Variants in KCNQ3 observed in about 807,000 individuals in gnomAD.
The protein encoded by KCNQ3 is potassium voltage-gated channel subfamily Q member 3.
A neutral mutation model predicts 92.5 loss-of-function variants in KCNQ3; 30 were observed. The observed-to-expected ratio is 0.32, with a 90% CI of 0.24 to 0.44. KCNQ3 has a LOEUF of 0.44. Ranked by LOEUF, KCNQ3 falls within the 20% of genes least tolerant of loss-of-function variation. The probability of loss-of-function intolerance (pLI) is 1.00; values close to 1 mark genes in which losing one functional copy is unlikely to be tolerated. For missense variants in KCNQ3, 913 were observed against 1,140.3 expected, an observed-to-expected ratio of 0.80 and a Z score of 2.87; for synonymous variants, 450 against 468.8, an observed-to-expected ratio of 0.96 and a Z score of 0.52.
chr8:132,295,434 G>A (rs893631502), intron 1 of KCNQ3, among the ~76,000 whole-genome samples: 8 of 152,184 alleles, frequency 5.3e-5, no homozygotes, highest in African/African-American at 1.9e-4. Flanking sequence ...CACTGTTGGT[G>A]GGAAAGTTAA....
chr8:132,344,522 T>C (rs565096913), intron 1 of KCNQ3, among the ~76,000 whole-genome samples: 23 of 152,308 alleles, frequency 1.5e-4, no homozygotes, highest in African/African-American at 4.6e-4. Context: ...GAAAAACCTA[T>C]GAAGTTGTGT....
chr8:132,279,545 T>C (rs1209890772), intron 1 of KCNQ3, among the ~76,000 whole-genome samples: 4 of 152,210 alleles, frequency 2.6e-5, no homozygotes, highest in African/African-American at 9.6e-5. Flanking sequence ...TGGACTCTAC[T>C]TGCAGGTTGA....
chr8:132,372,773 C>CAA (rs60597689), intron 1 of KCNQ3, among the ~76,000 whole-genome samples: 1 of 104,080 alleles, frequency 9.6e-6, no homozygotes, highest in Non-Finnish European at 1.9e-5. Context: ...AAAAAAAAAA[C>CAA]AAAAAAAAAA....
rs1821724747 is a variant in KCNQ3, at chr8:132,447,917, A to C, written c.386+32230T>G. Among the ~76,000 whole-genome samples the C allele has an allele frequency of 2.0e-5, 3 of 152,196 alleles. No individual in the cohort carries two copies. In the South Asian group the frequency reaches 6.2e-4, roughly 32 times the overall value. On this transcript the variant is annotated intron_variant, in intron 1 of 14. Coordinates refer to ENST00000388996, the MANE Select transcript of KCNQ3 (RefSeq NM_004519.4). ...TGGGCATCACCCCCAGCGACTTATA[A>C]ATACCATCTCATATTTGTCATCCCA...
intron 1 of KCNQ3, among the ~76,000 whole-genome samples, chr8:132,384,220 TC>T (rs994185952): frequency 9.3e-4 from 141 of 152,290 alleles, no homozygotes; most frequent in African/African-American, 3.3e-3. Flanking sequence ...TGTTCCCTTG[TC>T]CCGGTGAGCT....
chr8:132,127,672 A>G lies in KCNQ3; in HGVS notation c.*1590T>C, dbSNP rs1168523234. On this transcript the variant is annotated 3_prime_UTR_variant, in exon 15 of 15. Transcript: ENST00000388996. ...TGGCAACTATCCACAACCAGTGCCT[A>G]GGTGTGTGAGAAGAGTGATACAATA... 1 of 152,210 alleles carries G rather than the reference A, an allele frequency of 6.6e-6. No homozygotes were observed. Among genetic ancestry groups the G allele is most frequent in the Non-Finnish European group, 1.5e-5 (1 of 68,040 alleles). 9.4% of individuals were successfully genotyped at this position (152,210 alleles called of 1,614,324 possible).
intron 3 of KCNQ3, 49 bp downstream of exon 3, chr8:132,184,192 C>T (rs1563793273): frequency 6.2e-7 from 1 of 1,612,806 alleles, no homozygotes; most frequent in Non-Finnish European, 8.5e-7. Flanking sequence ...AAACAATGCC[C>T]CAAAAGAAGG....
chr8:132,261,553 C>A (rs938109804), intron 1 of KCNQ3, among the ~76,000 whole-genome samples: 2 of 152,188 alleles, frequency 1.3e-5, no homozygotes, highest in Non-Finnish European at 2.9e-5. Context: ...AGTCTTCCCT[C>A]GGCTGGCTGC....
At chr8:132,462,301 T>C (rs1421641096) in intron 1 of KCNQ3, among the ~76,000 whole-genome samples, 2 of 152,136 alleles carry the variant, frequency 1.3e-5, no homozygotes, top group African/African-American at 2.4e-5. Flanking sequence ...TGGATTCTCA[T>C]GCCTCAGCCA....
chr8:132,205,724 G>C (rs1430882514), intron 1 of KCNQ3, among the ~76,000 whole-genome samples: 2 of 152,166 alleles, frequency 1.3e-5, no homozygotes, highest in African/African-American at 4.8e-5. Context: ...AGTAGAAACT[G>C]GTGAGAAAGG....
chr8:132,188,304 T>C (rs1194638244), intron 1 of KCNQ3, among the ~76,000 whole-genome samples: 1 of 152,198 alleles, frequency 6.6e-6, no homozygotes, highest in Non-Finnish European at 1.5e-5. Flanking sequence ...CATACAAACA[T>C]GCTCATCATT....
chr8:132,420,699 C>T (rs1820943106), intron 1 of KCNQ3, among the ~76,000 whole-genome samples: 1 of 152,114 alleles, frequency 6.6e-6, no homozygotes, highest in Non-Finnish European at 1.5e-5. Context: ...CTAATTTGTA[C>T]CAAACCCCAG....
chr8:132,336,891 G>A (rs960271455), intron 1 of KCNQ3, among the ~76,000 whole-genome samples: 4 of 152,166 alleles, frequency 2.6e-5, no homozygotes, highest in Non-Finnish European at 5.9e-5. Flanking sequence ...CTGCATAAGG[G>A]TACCTAGCCA....
chr8:132,440,382 C>T (rs1428421918), intron 1 of KCNQ3, among the ~76,000 whole-genome samples: 1 of 152,170 alleles, frequency 6.6e-6, no homozygotes, highest in Admixed American at 6.5e-5. Flanking sequence ...CAGTATCAGG[C>T]GTCCCCTCAT....
intron 1 of KCNQ3, among the ~76,000 whole-genome samples, chr8:132,353,293 G>T (rs1426615060): frequency 6.6e-6 from 1 of 152,054 alleles, no homozygotes; most frequent in Non-Finnish European, 1.5e-5. Context: ...GGAGGCAGAG[G>T]GTGGAAAGAA....
intron 4 of KCNQ3, among the ~76,000 whole-genome samples, chr8:132,178,375 G>A (rs1370506150): frequency 1.3e-5 from 2 of 152,314 alleles, no homozygotes; most frequent in Non-Finnish European, 2.9e-5. Flanking sequence ...TAAGCTGAAA[G>A]ATTCCCAGGT....
At position 132,375,456 on chromosome 8, in the gene KCNQ3, C is replaced by T. The variant is rs895839400; in HGVS notation, c.386+104691G>A. Among the ~76,000 whole-genome samples, 10 of 152,298 alleles carry T rather than the reference C, an allele frequency of 6.6e-5. 1 individual carries two copies. Among genetic ancestry groups the T allele is most frequent in the African/African-American group, 2.4e-4 (10 of 41,556 alleles). On this transcript the variant is annotated intron_variant, in intron 1 of 14. Coordinates refer to ENST00000388996, the MANE Select transcript of KCNQ3 (RefSeq NM_004519.4). ...CTTGATCTCACTCATTCTGCAGCCG[C>T]TGAGAAACTCCACTGTACACCCCTG...
intron 1 of KCNQ3, among the ~76,000 whole-genome samples, chr8:132,282,792 C>T (rs187380399): frequency 2.6e-3 from 397 of 152,340 alleles, no homozygotes; most frequent in Non-Finnish European, 4.7e-3. Flanking sequence ...GCTCTGACCT[C>T]TGCTTAGCAG....
chr8:132,421,713 G>T (rs1481909529), intron 1 of KCNQ3, among the ~76,000 whole-genome samples: 1 of 152,188 alleles, frequency 6.6e-6, no homozygotes, highest in African/African-American at 2.4e-5. Flanking sequence ...GCAGGAACAA[G>T]TTGGAACATA....
Sources: allele counts gnomAD v4.1 joint callset (sites outside exome capture counted in the v4.1 genomes callset), GRCh38; gene constraint gnomAD v4.1.1; transcripts MANE v1.5; gene names NCBI Gene and HGNC (gene_info 2026-07-23, HGNC 2026-07-21).